The following MLLT6 variants were observed in gnomAD, a reference collection of about 807,000 sequenced individuals.
The protein encoded by MLLT6 is protein AF-17.
In MLLT6, 22 loss-of-function variants were observed where a neutral mutation model predicts 103.0. The observed-to-expected ratio is 0.21, with a 90% CI of 0.15 to 0.31. The LOEUF is 0.31. Among genes scored for constraint, MLLT6 ranks in the 10% least tolerant of loss-of-function variants. MLLT6 has a pLI of 1.00. For missense variants in MLLT6, 1,199 were observed against 1,441.7 expected (o/e 0.83, Z 2.73); for synonymous variants, 606 against 623.5 (o/e 0.97, Z 0.42).
chr17:38,716,262 C>A lies in MLLT6; in HGVS notation c.1037-105C>A. On this transcript the variant is annotated intron_variant, in intron 9 of 19. Transcript: ENST00000621332. This position sits in a 1 kb window ranked among gnomAD's most constrained non-coding sequence, Gnocchi z 5.6. ...GGCAGAGCTGAGACAGGAAACCAGG[C>A]ATCCCCATTCGTGGACCAGAGCTCT... 8.3e-7 allele frequency: 1 copy of A among 1,202,670 alleles called. No homozygotes were observed. The allele number at this position is 1,202,670 out of a possible 1,614,324, so 74.5% of individuals were successfully genotyped here.
rs770787489 is a variant in MLLT6, at chr17:38,720,766, G to A, written c.2442+19G>A. 5.0e-6 allele frequency: 8 copies of A among 1,608,692 alleles called. No individual in the cohort carries two copies. Among genetic ancestry groups the A allele is most frequent in the Non-Finnish European group, 6.0e-6 (7 of 1,175,828 alleles). On this transcript the variant is annotated intron_variant, in intron 16 of 19. Transcript: ENST00000621332. Reference sequence around the variant, plus strand: ...TTCTGAGGTGGGCGCTACGAGGAGTGGGGCAGGAAGGAGGGGGAGACTCAA... The same window carrying A: ...TTCTGAGGTGGGCGCTACGAGGAGTAGGGCAGGAAGGAGGGGGAGACTCAA...
chr17:38,722,633 A>AGGGGGGGG, intron 17 of MLLT6, 45 bp from the exon 18 acceptor site: 17 of 377,834 alleles, frequency 4.5e-5, no homozygotes, highest in Non-Finnish European at 5.0e-5. Context: ...GCCCTCCCCC[A>AGGGGGGGG]TGGTCTGTGT....
In MLLT6 at chr17:38,724,985, G is replaced by C. The variant is rs1363521055; in HGVS notation, c.3240+9G>C. 1 of 1,492,810 alleles carries C rather than the reference G, an allele frequency of 6.7e-7. No homozygotes were observed. The highest frequency in any genetic ancestry group is 1.4e-5 in the African/African-American group (1 of 71,530). 92.5% of individuals were successfully genotyped at this position (1,492,810 alleles called of 1,614,324 possible). On this transcript the variant is annotated intron_variant, in intron 19 of 19. Coordinates refer to ENST00000621332, the MANE Select transcript of MLLT6 (RefSeq NM_005937.4). This position sits in a 1 kb window ranked among gnomAD's most constrained non-coding sequence, Gnocchi z 5.4. ...GTGGCCCCAAAGGAGGGGTGAGTAA[G>C]GGGCCCGGGGCCTTCCTGCCTCCCC... is the stretch of plus-strand genomic sequence containing the variant.
rs1906174233 is a variant in MLLT6, at chr17:38,728,843, CTG to C, written c.*3247_*3248del. 4.3e-6 allele frequency: 1 copy of C among 233,962 alleles called. No homozygotes were observed. Among genetic ancestry groups the C allele is most frequent in the South Asian group, 1.8e-4 (1 of 5,540 alleles). 14.5% of individuals were successfully genotyped at this position (233,962 alleles called of 1,614,324 possible). On this transcript the variant is annotated 3_prime_UTR_variant, in exon 20 of 20. Coordinates refer to ENST00000621332, the MANE Select transcript of MLLT6 (RefSeq NM_005937.4). ...TGGGAGGGTGTCTATGTGGCACTGACTGTCTTAGCTCAGAGCTGGTGGATCCT... is the reference window on the plus strand; with the variant it reads ...TGGGAGGGTGTCTATGTGGCACTGACTCTTAGCTCAGAGCTGGTGGATCCT...
Position 38,705,569 on chromosome 17 carries a change from CCCCTGACCCCCGA to C in MLLT6, c.-60_-48del. On this transcript the variant is annotated 5_prime_UTR_variant, in exon 1 of 20. Coordinates refer to ENST00000621332, the MANE Select transcript of MLLT6 (RefSeq NM_005937.4). ...GCGCGGCCCCCCGCTCCCTCCCTCCCCCCTGACCCCCGACCCCCGCCGGCCGGCCCCCCGCCCC... is the reference window on the plus strand; with the variant it reads ...GCGCGGCCCCCCGCTCCCTCCCTCCCCCCCCGCCGGCCGGCCCCCCGCCCC... The C allele has an allele frequency of 1.8e-6, 1 of 561,696 alleles. No homozygotes were observed. The highest frequency in any genetic ancestry group is 3.1e-6 in the Non-Finnish European group (1 of 327,834). 34.8% of individuals were successfully genotyped at this position (561,696 alleles called of 1,614,324 possible). A position where few individuals can be genotyped will look rare whatever the true frequency, so the allele number is the denominator to read the frequency against.
intron 16 of MLLT6, chr17:38,721,199 T>G (rs73982892): frequency 0.011 from 2,109 of 193,868 alleles, 42 homozygotes; most frequent in African/African-American, 0.047. Context: ...GTTGCTATTG[T>G]GTTGTGGTTA....
chr17:38,712,608 T>C (rs1905181532), intron 7 of MLLT6, 83 bp from the exon 8 acceptor site: 1 of 886,830 alleles, frequency 1.1e-6, no homozygotes, highest in Admixed American at 1.8e-5. Flanking sequence ...TAAGGGGGTG[T>C]CAGCTCCCCA....
In MLLT6 at chr17:38,705,626, T is replaced by A. The variant is rs1161695675; in HGVS notation, c.-7T>A. The A allele has an allele frequency of 7.9e-7, 1 of 1,269,416 alleles. No homozygotes were observed. The highest frequency in any genetic ancestry group is 1.1e-6 in the Non-Finnish European group (1 of 939,084). The allele number at this position is 1,269,416 out of a possible 1,614,324, so 78.6% of individuals were successfully genotyped here. A position where few individuals can be genotyped will look rare whatever the true frequency, so the allele number is the denominator to read the frequency against. ...CCGCCCCAGCCCCGGAGGGAGCTCATGGGAGTATGAAGGAGATGGTAGGAG... is the reference window on the plus strand; with the variant it reads ...CCGCCCCAGCCCCGGAGGGAGCTCAAGGGAGTATGAAGGAGATGGTAGGAG... On this transcript the variant is annotated 5_prime_UTR_variant, in exon 1 of 20. An upstream start codon of the reference 5' UTR is lost. Transcript: ENST00000621332.
rs1229016174 is a variant in MLLT6 at position 38,719,771 on chromosome 17, C to A, written c.2031C>A (p.Pro677=). The change falls in exon 14 of 20, where the codon CCC becomes CCA. Residue 677 remains proline, a synonymous_variant. Coordinates refer to ENST00000621332, the MANE Select transcript of MLLT6 (RefSeq NM_005937.4). The part of the protein sequence containing the change: ...LSSMSPISSL[P]ALFDQTASAP... Reference sequence around the variant, plus strand: ...GCAGGTCCCCCATCAGCAGCCTCCCCGCACTCTTCGACCAGACAGCCTCTG... The same window carrying A: ...GCAGGTCCCCCATCAGCAGCCTCCCAGCACTCTTCGACCAGACAGCCTCTG... 6.2e-7 allele frequency: 1 copy of A among 1,613,168 alleles called. No homozygotes were observed. The highest frequency in any genetic ancestry group is 1.1e-5 in the South Asian group (1 of 91,000).
At position 38,720,641 on chromosome 17, in the gene MLLT6, G is replaced by A. The variant is rs1389835333; in HGVS notation, c.2354-18G>A. On this transcript the variant is annotated intron_variant, in intron 15 of 19. Coordinates refer to ENST00000621332, the MANE Select transcript of MLLT6 (RefSeq NM_005937.4). Reference sequence around the variant, plus strand: ...TCCGGACTGGCCCTGACTGCAGCCTGTGACATCCCTCCCACAGCCGGCAGC... The same window carrying A: ...TCCGGACTGGCCCTGACTGCAGCCTATGACATCCCTCCCACAGCCGGCAGC... 1 of 1,613,570 alleles carries A rather than the reference G, an allele frequency of 6.2e-7. No individual in the cohort carries two copies. The highest frequency in any genetic ancestry group is 8.5e-7 in the Non-Finnish European group (1 of 1,180,020).
chr17:38,728,299 A>G lies in MLLT6; in HGVS notation c.*2701A>G, dbSNP rs1343011239. 4.3e-6 allele frequency: 1 copy of G among 233,212 alleles called. No individual in the cohort carries two copies. Among genetic ancestry groups the G allele is most frequent in the Non-Finnish European group, 8.5e-6 (1 of 118,094 alleles). The allele number at this position is 233,212 out of a possible 1,614,324, so 14.4% of individuals were successfully genotyped here. A position where few individuals can be genotyped will look rare whatever the true frequency, so the allele number is the denominator to read the frequency against. On this transcript the variant is annotated 3_prime_UTR_variant, in exon 20 of 20. Coordinates refer to ENST00000621332, the MANE Select transcript of MLLT6 (RefSeq NM_005937.4). ...CCAACGCAGGGGGATGGCTGTAACG[A>G]TCTCACCGTCTCCTAACCTCAGTCC...
chr17:38,717,974 C>G (rs1475975928), intron 12 of MLLT6, 21 bp downstream of exon 12: 1 of 1,520,184 alleles, frequency 6.6e-7, no homozygotes. Context: ...ATCTGATCCC[C>G]TCTCCCCTTT....
At chr17:38,715,426 A>T (rs1203312560) in intron 8 of MLLT6, 186 bp from the exon 9 acceptor site, 1 of 982,984 alleles carries the variant, frequency 1.0e-6, no homozygotes, top group Admixed American at 3.2e-5. Flanking sequence ...CAGGAGTGCC[A>T]CAGCTGCCTC....
rs1438840620 is a variant in MLLT6 at position 38,724,986 on chromosome 17, G to A, written c.3240+10G>A. The A allele has an allele frequency of 6.7e-7, 1 of 1,492,578 alleles. No individual in the cohort carries two copies. Among genetic ancestry groups the A allele is most frequent in the African/African-American group, 1.4e-5 (1 of 71,426 alleles). The allele number at this position is 1,492,578 out of a possible 1,614,324, so 92.5% of individuals were successfully genotyped here. A position where few individuals can be genotyped will look rare whatever the true frequency, so the allele number is the denominator to read the frequency against. ...TGGCCCCAAAGGAGGGGTGAGTAAG[G>A]GGCCCGGGGCCTTCCTGCCTCCCCT... On this transcript the variant is annotated intron_variant, in intron 19 of 19. Coordinates refer to ENST00000621332, the MANE Select transcript of MLLT6 (RefSeq NM_005937.4). The surrounding 1 kb of genome is among the most constrained non-coding windows in gnomAD (Gnocchi z 5.4).
chr17:38,705,282 C>T lies in MLLT6; in HGVS notation c.-351C>T, dbSNP rs1904839290. Among the ~76,000 whole-genome samples, 1 of 143,962 alleles carries T rather than the reference C, an allele frequency of 6.9e-6. No homozygotes were observed. The highest frequency in any genetic ancestry group is 2.5e-5 in the African/African-American group (1 of 39,744). The allele number at this position is 143,962 out of a possible 152,430, so 94.4% of individuals were successfully genotyped here. On this transcript the variant is annotated 5_prime_UTR_variant, in exon 1 of 20. Coordinates refer to ENST00000621332, the MANE Select transcript of MLLT6 (RefSeq NM_005937.4). ...CGGGCGCCCGCGATGTGCCACTCGG[C>T]GCCTCCCCCGCCGGGCTCGGGCTAC...
Position 38,722,235 on chromosome 17 carries a change from A to T in MLLT6, c.2792+8A>T. On this transcript the variant is annotated splice_region_variant and intron_variant, in intron 17 of 19. Transcript: ENST00000621332. ...GCCAGGCTGTCTCAACAGGTGAGGGAGAGCTCAGCCCTGGGAAGGGGAACA... is the reference window on the plus strand; with the variant it reads ...GCCAGGCTGTCTCAACAGGTGAGGGTGAGCTCAGCCCTGGGAAGGGGAACA... 1 of 1,369,566 alleles carries T rather than the reference A, an allele frequency of 7.3e-7. No homozygotes were observed. The highest frequency in any genetic ancestry group is 9.4e-7 in the Non-Finnish European group (1 of 1,066,918). 84.8% of individuals were successfully genotyped at this position (1,369,566 alleles called of 1,614,324 possible).
chr17:38,724,481 C>T lies in MLLT6; in HGVS notation c.2884-139C>T, dbSNP rs1173959993. 1 of 622,950 alleles carries T rather than the reference C, an allele frequency of 1.6e-6. No homozygotes were observed. The allele number at this position is 622,950 out of a possible 1,614,324, so 38.6% of individuals were successfully genotyped here. On this transcript the variant is annotated intron_variant, in intron 18 of 19. Transcript: ENST00000621332. The surrounding 1 kb of genome is among the most constrained non-coding windows in gnomAD (Gnocchi z 5.4). ...CCCAGGCTAAGTGGGAAATGCGAGA[C>T]AGTACCTTGACTGTCTCACAGGCCT...
chr17:38,705,976 G>T, intron 1 of MLLT6: 1 of 221,196 alleles, frequency 4.5e-6, no homozygotes, highest in South Asian at 1.8e-4. Context: ...GAGGGAGTTT[G>T]GGGAGAGTCT....
At chr17:38,720,304 C>CCCCCCCCG in intron 14 of MLLT6, 68 bp from the exon 15 acceptor site, 2 of 685,612 alleles carry the variant, frequency 2.9e-6, no homozygotes, top group Non-Finnish European at 2.4e-6. Context: ...CTCCAGGCCC[C>CCCCCCCCG]GCCCCCGGTC....
Sources: allele counts gnomAD v4.1 joint callset (sites outside exome capture counted in the v4.1 genomes callset), GRCh38; gene constraint gnomAD v4.1.1; non-coding constraint Gnocchi (gnomAD v3.1); transcripts MANE v1.5; gene names NCBI Gene and HGNC (gene_info 2026-07-23, HGNC 2026-07-21).